KLHL13: variants seen among roughly 807,000 people sequenced by gnomAD.
The protein encoded by KLHL13 is kelch like family member 13.
In KLHL13, 10 loss-of-function variants were observed where a neutral mutation model predicts 37.1. That is an observed-to-expected ratio of 0.27 (90% CI 0.17 to 0.46). The LOEUF (loss-of-function observed/expected upper bound fraction) is 0.46. Ranked by LOEUF, KLHL13 falls within the 20% of genes least tolerant of loss-of-function variation. KLHL13 has a pLI of 1.00. For synonymous variants in KLHL13, 163 were observed against 181.2 expected, an observed-to-expected ratio of 0.90 and a Z score of 0.81; for missense variants, 360 against 509.3, an observed-to-expected ratio of 0.71 and a Z score of 2.82.
chrX:118,041,827 A>G (rs1490077051), intron 1 of KLHL13, among the ~76,000 whole-genome samples: 1 of 111,859 alleles, frequency 8.9e-6, no homozygotes, highest in African/African-American at 3.2e-5. Flanking sequence ...AGACCATAAA[A>G]CAACCAGAAA....
intron 1 of KLHL13, among the ~76,000 whole-genome samples, chrX:117,994,866 G>C (rs943551282): frequency 9.0e-6 from 1 of 111,241 alleles, no homozygotes; most frequent in African/African-American, 3.3e-5. Flanking sequence ...GACTAGCCTG[G>C]ACAACATAGT....
chrX:118,047,021 A>G (rs1002369440), intron 1 of KLHL13, among the ~76,000 whole-genome samples: 2 of 111,866 alleles, frequency 1.8e-5, no homozygotes, highest in Non-Finnish European at 1.9e-5. Flanking sequence ...CTTGTGAGGA[A>G]TGCAAATACA....
chrX:118,114,729 C>G (rs1349342067), intron 1 of KLHL13, among the ~76,000 whole-genome samples: 1 of 111,947 alleles, frequency 8.9e-6, no homozygotes, highest in Non-Finnish European at 1.9e-5. Context: ...TGCAAGTTAT[C>G]TAACTAAATT....
At chrX:118,074,046 T>C (rs1306221160) in intron 1 of KLHL13, among the ~76,000 whole-genome samples, 1 of 112,316 alleles carries the variant, frequency 8.9e-6, no homozygotes, top group African/African-American at 3.2e-5. Context: ...TTGTCCTATT[T>C]TTTCTGCTTT....
chrX:117,992,234 T>TAAAAAAA (rs773486522), intron 1 of KLHL13, among the ~76,000 whole-genome samples: 1 of 84,007 alleles, frequency 1.2e-5, no homozygotes, highest in African/African-American at 4.6e-5. Context: ...AACTGAGATG[T>TAAAAAAA]AAAAAAAAAA....
rs765349120 is a variant in KLHL13 at position 117,931,629 on chromosome X, T to G, written c.241-11259A>C. On this transcript the variant is annotated intron_variant, in intron 2 of 6. Transcript: ENST00000262820. Reference sequence around the variant, plus strand: ...ATCTTTTAGCCTTTGCTAATACATGTTTTTACATTTATAGTTAATGAACAC... The same window carrying G: ...ATCTTTTAGCCTTTGCTAATACATGGTTTTACATTTATAGTTAATGAACAC... Among the ~76,000 whole-genome samples, 5 of 112,563 alleles carry G rather than the reference T, an allele frequency of 4.4e-5. No homozygotes were observed. The South Asian group carries it at 1.8e-3, about 41-fold the overall frequency.
At chrX:117,931,557 T>C (rs1932454453) in intron 2 of KLHL13, among the ~76,000 whole-genome samples, 1 of 112,333 alleles carries the variant, frequency 8.9e-6, no homozygotes, top group South Asian at 3.7e-4. Flanking sequence ...GTAATTCTGC[T>C]GTTTCTATCA....
intron 1 of KLHL13, among the ~76,000 whole-genome samples, chrX:118,106,360 A>C (rs2055346752): frequency 9.0e-6 from 1 of 111,342 alleles, no homozygotes; most frequent in Non-Finnish European, 1.9e-5. Context: ...CTTCAAAAGA[A>C]AGATGCTCTA....
intron 1 of KLHL13, among the ~76,000 whole-genome samples, chrX:118,103,425 C>G (rs2055311397): frequency 9.0e-6 from 1 of 111,477 alleles, no homozygotes; most frequent in Non-Finnish European, 1.9e-5. Context: ...ACTAAAACTA[C>G]TTTGGCCCCT....
At chrX:117,908,716 T>C (rs1341288126) in intron 5 of KLHL13, among the ~76,000 whole-genome samples, 2 of 111,911 alleles carry the variant, frequency 1.8e-5, no homozygotes, top group African/African-American at 6.5e-5. Context: ...GATGGGCTTA[T>C]GGAAAAGAAA....
intron 1 of KLHL13, among the ~76,000 whole-genome samples, chrX:118,058,083 T>C (rs1299686169): frequency 9.0e-6 from 1 of 111,290 alleles, no homozygotes; most frequent in Non-Finnish European, 1.9e-5. Context: ...GAAGTGATGA[T>C]GCCAGGAATC....
intron 2 of KLHL13, among the ~76,000 whole-genome samples, chrX:117,923,108 G>A (rs1238344052): frequency 5.4e-5 from 6 of 111,601 alleles, no homozygotes; most frequent in Admixed American, 1.9e-4. Flanking sequence ...ATCCATTCCC[G>A]CTTAGTTGAA....
chrX:117,908,210 TTC>T (rs1930690120), intron 5 of KLHL13, among the ~76,000 whole-genome samples: 1 of 108,638 alleles, frequency 9.2e-6, no homozygotes, highest in African/African-American at 3.3e-5. Context: ...CTTTCTGTCT[TTC>T]TGTCTTTTTT....
intron 1 of KLHL13, among the ~76,000 whole-genome samples, chrX:117,968,718 T>C (rs1240374407): frequency 8.9e-6 from 1 of 111,976 alleles, no homozygotes. Flanking sequence ...TCACAAATGA[T>C]TATCAATTTA....
intron 1 of KLHL13, among the ~76,000 whole-genome samples, chrX:118,031,539 A>ATACACACACATATATAT (rs2054343866): frequency 1.1e-4 from 9 of 82,199 alleles, no homozygotes; most frequent in Non-Finnish European, 1.6e-4. Context: ...TTATATATAT[A>ATACACACACATATATAT]TTAGTTATAT....
At chrX:118,061,060 C>G (rs1286691744) in intron 1 of KLHL13, among the ~76,000 whole-genome samples, 2 of 111,467 alleles carry the variant, frequency 1.8e-5, no homozygotes, top group African/African-American at 6.5e-5. Context: ...ACTTCAACAT[C>G]TAGGTTTCAG....
At chrX:117,988,976 A>C (rs976619477) in intron 1 of KLHL13, among the ~76,000 whole-genome samples, 24 of 111,974 alleles carry the variant, frequency 2.1e-4, no homozygotes, top group Non-Finnish European at 4.0e-4. Context: ...CAAGATATAC[A>C]TGCCAGAACA....
intron 1 of KLHL13, among the ~76,000 whole-genome samples, chrX:117,979,647 G>C (rs868143502): frequency 1.3e-4 from 14 of 111,311 alleles, no homozygotes; most frequent in Non-Finnish European, 2.3e-4. Context: ...TGTTAAACCT[G>C]CTATTACCAA....
At chrX:118,032,677 A>G (rs1205562220) in intron 1 of KLHL13, among the ~76,000 whole-genome samples, 2 of 112,260 alleles carry the variant, frequency 1.8e-5, no homozygotes, top group Admixed American at 9.4e-5. Flanking sequence ...TCTAAAAAGC[A>G]GAGCACCTCT....
Sources: gnomAD v4.1 joint callset for allele counts (sites outside exome capture counted in the v4.1 genomes callset) on GRCh38, gnomAD v4.1.1 for gene constraint, MANE v1.5 for transcripts, NCBI Gene and HGNC (gene_info 2026-07-23, HGNC 2026-07-21) for gene names.